KDM1B: variants seen among roughly 807,000 people sequenced by gnomAD.
KDM1B encodes the protein lysine demethylase 1B.
In KDM1B, 63 loss-of-function variants were observed where a neutral mutation model predicts 107.4. The ratio of observed to expected loss-of-function variants is 0.59; its 90% CI spans 0.48 to 0.72. The LOEUF (loss-of-function observed/expected upper bound fraction) is 0.72, where lower values mean the gene tolerates loss of function less well. Ranked by LOEUF, KDM1B falls within the 30% of genes least tolerant of loss-of-function variation. The probability of loss-of-function intolerance (pLI) is 0.00; values close to 1 mark genes in which losing one functional copy is unlikely to be tolerated. For synonymous variants in KDM1B, 363 were observed against 363.9 expected (o/e 1.00, Z 0.03); for missense variants, 749 against 1,020.8 (o/e 0.73, Z 3.63).
In KDM1B at chr6:18,212,535, G is replaced by A. The variant is rs1231555589; in HGVS notation, c.1914G>A (p.Gln638=). ...PLALLQKGAI[Q]FNPPLSEKKM... The stretch of plus-strand genomic sequence containing the variant: ...CTTTACTACAGAAAGGTGCCATTCA[G>A]TTTAATCCACCGTTGTCAGAGAAGA... Residue 638 remains glutamine, a synonymous_variant, in exon 18 of 22, where the codon CAG becomes CAA. Coordinates refer to ENST00000650836, the MANE Select transcript of KDM1B (RefSeq NM_001364614.2). This position sits in a 1 kb window ranked among gnomAD's most constrained non-coding sequence, Gnocchi z 5.2. 1 of 1,614,180 alleles carries A rather than the reference G, an allele frequency of 6.2e-7. No individual in the cohort carries two copies. Among genetic ancestry groups the A allele is most frequent in the Admixed American group, 1.7e-5 (1 of 60,032 alleles).
rs1785063440 is a variant in KDM1B, at chr6:18,162,973, AG to A, written c.305+53del. ...TTTCCCTGGAGAAGGGGACCGTGGCAGGGGCAGTGCGTGTGGTCAGCTGATT... is the reference window on the plus strand; with the variant it reads ...TTTCCCTGGAGAAGGGGACCGTGGCAGGGCAGTGCGTGTGGTCAGCTGATT... On this transcript the variant is annotated intron_variant, in intron 5 of 21. Transcript: ENST00000650836. This position sits in a 1 kb window ranked among gnomAD's most constrained non-coding sequence, Gnocchi z 4.1. 2 of 1,130,854 alleles carry A rather than the reference AG, an allele frequency of 1.8e-6. No individual in the cohort carries two copies. Among genetic ancestry groups the A allele is most frequent in the Non-Finnish European group, 2.7e-6 (2 of 738,826 alleles). 70.1% of individuals were successfully genotyped at this position (1,130,854 alleles called of 1,614,324 possible). A position where few individuals can be genotyped will look rare whatever the true frequency, so the allele number is the denominator to read the frequency against.
In KDM1B at chr6:18,203,956, A is replaced by G. The variant is rs1366269676; in HGVS notation, c.1532-1581A>G. ...CCGCCGCCTCCACAAAACCAACAGG[A>G]ATGTAGAAACTGCACAGCAGGAAGC... On this transcript the variant is annotated intron_variant, in intron 14 of 21. Transcript: ENST00000650836. The surrounding 1 kb of genome is among the most constrained non-coding windows in gnomAD (Gnocchi z 5.5). Among the ~76,000 whole-genome samples the G allele has an allele frequency of 6.6e-6, 1 of 152,130 alleles. No individual in the cohort carries two copies. Among genetic ancestry groups the G allele is most frequent in the Non-Finnish European group, 1.5e-5 (1 of 68,028 alleles).
Position 18,209,610 on chromosome 6 carries a change from G to A in KDM1B, c.1866+1404G>A, listed in dbSNP as rs1788682391. Among the ~76,000 whole-genome samples, 1 of 152,138 alleles carries A rather than the reference G, an allele frequency of 6.6e-6. No homozygotes were observed. Among genetic ancestry groups the A allele is most frequent in the African/African-American group, 2.4e-5 (1 of 41,438 alleles). On this transcript the variant is annotated intron_variant, in intron 17 of 21. Transcript: ENST00000650836. This position sits in a 1 kb window ranked among gnomAD's most constrained non-coding sequence, Gnocchi z 4.3. ...CTTGTTGAATTGGCCTCGCTTTTTT[G>A]TTTGTTTTTTTCAGAGACAGGGTCT...
At chr6:18,177,420 A>C (rs1188904675) in intron 7 of KDM1B, among the ~76,000 whole-genome samples, 2 of 147,568 alleles carry the variant, frequency 1.4e-5, no homozygotes, top group East Asian at 2.0e-4. Flanking sequence ...TTTTTGTTTC[A>C]TTTAACTTTT....
intron 10 of KDM1B, among the ~76,000 whole-genome samples, chr6:18,194,250 G>A (rs1787497403): frequency 1.3e-5 from 2 of 152,032 alleles, no homozygotes; most frequent in Non-Finnish European, 2.9e-5. Context: ...CCTGACCTCA[G>A]GTGATCCACC....
At chr6:18,189,610 C>T (rs1787139116) in intron 9 of KDM1B, among the ~76,000 whole-genome samples, 1 of 152,094 alleles carries the variant, frequency 6.6e-6, no homozygotes, top group Admixed American at 6.6e-5. Flanking sequence ...TATTTAGTGA[C>T]ACAGGAAAGT....
intron 21 of KDM1B, among the ~76,000 whole-genome samples, chr6:18,219,186 G>A (rs1287272214): frequency 6.6e-6 from 1 of 152,212 alleles, no homozygotes; most frequent in Non-Finnish European, 1.5e-5. Context: ...ACAGGTGTGA[G>A]CCACCGCGCC....
intron 8 of KDM1B, among the ~76,000 whole-genome samples, chr6:18,187,549 G>A (rs1422240118): frequency 6.6e-6 from 1 of 152,158 alleles, no homozygotes; most frequent in Non-Finnish European, 1.5e-5. Flanking sequence ...GGATAAGGGA[G>A]GCTGTTGCCA....
Position 18,162,742 on chromosome 6 carries a change from G to T in KDM1B, c.216-93G>T. 2 of 713,034 alleles carry T rather than the reference G, an allele frequency of 2.8e-6. No individual in the cohort carries two copies. Among genetic ancestry groups the T allele is most frequent in the South Asian group, 1.6e-5 (1 of 62,250 alleles). The allele number at this position is 713,034 out of a possible 1,614,324, so 44.2% of individuals were successfully genotyped here. A position where few individuals can be genotyped will look rare whatever the true frequency, so the allele number is the denominator to read the frequency against. ...GGCTAAGTGGAGATAATGCAAAATG[G>T]GTTCATAGATGGTGCTTGCAAGATG... On this transcript the variant is annotated intron_variant, in intron 4 of 21. Transcript: ENST00000650836. This position sits in a 1 kb window ranked among gnomAD's most constrained non-coding sequence, Gnocchi z 4.1.
intron 15 of KDM1B, among the ~76,000 whole-genome samples, chr6:18,206,152 T>C (rs1276155464): frequency 6.0e-5 from 3 of 50,048 alleles, no homozygotes; most frequent in Non-Finnish European, 1.0e-4. Context: ...TTTTTTAAAC[T>C]TTTTTTTTTT....
At position 18,208,120 on chromosome 6, in the gene KDM1B, C is replaced by A; in HGVS notation, c.1792-12C>A. On this transcript the variant is annotated splice_polypyrimidine_tract_variant and intron_variant, in intron 16 of 21. Coordinates refer to ENST00000650836, the MANE Select transcript of KDM1B (RefSeq NM_001364614.2). ...CATCCCTCACTTTTTTTCATAATTG[C>A]TTTTTGAGCAGGTGCAGTGTATTGA... The A allele has an allele frequency of 1.2e-6, 2 of 1,607,344 alleles. No homozygotes were observed. Among genetic ancestry groups the A allele is most frequent in the Non-Finnish European group, 1.7e-6 (2 of 1,174,816 alleles).
At chr6:18,171,203 A>G (rs1785641520) in intron 6 of KDM1B, among the ~76,000 whole-genome samples, 160 bp from the exon 7 acceptor site, 1 of 152,174 alleles carries the variant, frequency 6.6e-6, no homozygotes, top group Non-Finnish European at 1.5e-5. Flanking sequence ...AATTATCCTA[A>G]TGGGGTGAAA....
intron 12 of KDM1B, among the ~76,000 whole-genome samples, chr6:18,198,356 CTATT>C (rs137877287): frequency 0.043 from 6,538 of 150,896 alleles, 386 homozygotes; most frequent in African/African-American, 0.14. Context: ...TTTTTTAAAT[CTATT>C]TATTTATTTT....
intron 5 of KDM1B, among the ~76,000 whole-genome samples, chr6:18,164,801 A>G (rs1443373481): frequency 6.6e-6 from 1 of 151,996 alleles, no homozygotes; most frequent in African/African-American, 2.4e-5. Flanking sequence ...GTGCGCCACC[A>G]TGCCCAGCTA....
rs1369225188 is a variant in KDM1B at position 18,222,284 on chromosome 6, G to C, written c.*292G>C. On this transcript the variant is annotated 3_prime_UTR_variant, in exon 22 of 22. Coordinates refer to ENST00000650836, the MANE Select transcript of KDM1B (RefSeq NM_001364614.2). ...TTCAGTTGAGGCCATGGATTTGATT[G>C]TTCCATGGCTGGAAGTTCCCTTTAG... The C allele has an allele frequency of 2.1e-6, 1 of 481,314 alleles. No homozygotes were observed. The highest frequency in any genetic ancestry group is 3.9e-6 in the Non-Finnish European group (1 of 255,588). The allele number at this position is 481,314 out of a possible 1,614,324, so 29.8% of individuals were successfully genotyped here.
In KDM1B at chr6:18,165,289, C is replaced by T. The variant is rs142061175; in HGVS notation, c.306-978C>T. Reference sequence around the variant, plus strand: ...GGGACTACAGGCACCCGCTACCACACCTGGCTAATTTTTTGTATTTTTAGT... The same window carrying T: ...GGGACTACAGGCACCCGCTACCACATCTGGCTAATTTTTTGTATTTTTAGT... On this transcript the variant is annotated intron_variant, in intron 5 of 21. Coordinates refer to ENST00000650836, the MANE Select transcript of KDM1B (RefSeq NM_001364614.2). 8.3e-3 allele frequency among the ~76,000 whole-genome samples: 1,255 copies of T among 151,880 alleles called. 21 individuals carry two copies. Among genetic ancestry groups the T allele is most frequent in the African/African-American group, 0.029 (1,197 of 41,428 alleles).
intron 7 of KDM1B, among the ~76,000 whole-genome samples, chr6:18,176,902 C>T (rs1400818686): frequency 6.6e-6 from 1 of 152,114 alleles, no homozygotes; most frequent in African/African-American, 2.4e-5. Flanking sequence ...TTGTTAGCGT[C>T]TATGTTCATC....
At position 18,193,293 on chromosome 6, in the gene KDM1B, GCTTT is replaced by G. The variant is rs1282224095; in HGVS notation, c.969+1917_969+1920del. ...AAGAATCAAAGACTTTGAAATGTGT[GCTTT>G]CTTTTTTTTTTTTTTTTTTTTTTTG... is the stretch of plus-strand genomic sequence containing the variant. On this transcript the variant is annotated intron_variant, in intron 10 of 21. Transcript: ENST00000650836. Among the ~76,000 whole-genome samples the G allele has an allele frequency of 3.1e-3, 429 of 138,470 alleles. 1 individual carries two copies. The highest frequency in any genetic ancestry group is 0.011 in the African/African-American group (379 of 35,926). The allele number at this position is 138,470 out of a possible 152,430, so 90.8% of individuals were successfully genotyped here.
In KDM1B at chr6:18,162,375, T is replaced by C. The variant is rs1187296145; in HGVS notation, c.216-460T>C. ...CACAAAGACGTGGTGATCGTGTTCA[T>C]AGTGGCATGATTTTTCATTCTCTTG... is the stretch of plus-strand genomic sequence containing the variant. On this transcript the variant is annotated intron_variant, in intron 4 of 21. Transcript: ENST00000650836. The surrounding 1 kb of genome is among the most constrained non-coding windows in gnomAD (Gnocchi z 4.1). Among the ~76,000 whole-genome samples the C allele has an allele frequency of 6.6e-6, 1 of 152,172 alleles. No individual in the cohort carries two copies. The highest frequency in any genetic ancestry group is 1.5e-5 in the Non-Finnish European group (1 of 68,022).
Sources: allele counts gnomAD v4.1 joint callset (sites outside exome capture counted in the v4.1 genomes callset), GRCh38; gene constraint gnomAD v4.1.1; non-coding constraint Gnocchi (gnomAD v3.1); transcripts MANE v1.5; gene names NCBI Gene and HGNC (gene_info 2026-07-23, HGNC 2026-07-21).